SLC12A6: variants seen among roughly 807,000 people sequenced by gnomAD.
SLC12A6 encodes K-Cl cotransporter 3.
SLC12A6 carries 66 observed loss-of-function variants against 135.3 expected under a neutral mutation model. The ratio of observed to expected loss-of-function variants is 0.49; its 90% CI spans 0.40 to 0.60. The LOEUF is 0.60. Among genes scored for constraint, SLC12A6 ranks in the 20% least tolerant of loss-of-function variants. SLC12A6 has a pLI of 0.00. For synonymous variants in SLC12A6, 513 were observed against 508.8 expected (o/e 1.01, Z -0.11); for missense variants, 1,058 against 1,452.3 (o/e 0.73, Z 4.41).
At chr15:34,308,653 CAAA>C (rs1282812992) in intron 2 of SLC12A6, among the ~76,000 whole-genome samples, 12 of 87,696 alleles carry the variant, frequency 1.4e-4, no homozygotes, top group African/African-American at 4.9e-4. Flanking sequence ...AAAAAAAAAA[CAAA>C]CCAGATTGTT....
At chr15:34,315,507 G>T (rs1035047908) in intron 2 of SLC12A6, among the ~76,000 whole-genome samples, 1 of 152,072 alleles carries the variant, frequency 6.6e-6, no homozygotes, top group Non-Finnish European at 1.5e-5. Flanking sequence ...GGGGAGGATC[G>T]CTTGAGCCCA....
At chr15:34,262,970 C>G (rs1370872371) in intron 3 of SLC12A6, among the ~76,000 whole-genome samples, 2 of 152,192 alleles carry the variant, frequency 1.3e-5, no homozygotes, top group Non-Finnish European at 2.9e-5. Flanking sequence ...ATGTTGCTGG[C>G]TGGAGGTCTC....
chr15:34,247,853 C>T (rs1016095570), intron 13 of SLC12A6, among the ~76,000 whole-genome samples: 3 of 152,024 alleles, frequency 2.0e-5, no homozygotes, highest in Admixed American at 1.3e-4. Context: ...TACAGGCATA[C>T]GCCACCATGC....
intron 2 of SLC12A6, among the ~76,000 whole-genome samples, chr15:34,311,481 G>C (rs1385791953): frequency 6.6e-6 from 1 of 152,136 alleles, no homozygotes. Context: ...TTTCGATAAT[G>C]CTCACATCAA....
At chr15:34,309,921 T>C (rs1230488200) in intron 2 of SLC12A6, among the ~76,000 whole-genome samples, 2 of 152,140 alleles carry the variant, frequency 1.3e-5, no homozygotes, top group South Asian at 2.1e-4. Flanking sequence ...TCAATCACTA[T>C]AGAAAAGATT....
At position 34,296,855 on chromosome 15, in the gene SLC12A6, T is replaced by G. The variant is rs531169289; in HGVS notation, c.272-21466A>C. Among the ~76,000 whole-genome samples, 49 of 152,264 alleles carry G rather than the reference T, an allele frequency of 3.2e-4. 2 individuals carry two copies. The South Asian group carries it at 0.01, about 32-fold the overall frequency. Reference sequence around the variant, plus strand: ...TAAGAAGAGATAAAGAACATCCACATAGAAAAGTAGATATGCTTCTACTTT... The same window carrying G: ...TAAGAAGAGATAAAGAACATCCACAGAGAAAAGTAGATATGCTTCTACTTT... On this transcript the variant is annotated intron_variant, in intron 2 of 25. Coordinates refer to ENST00000354181, the MANE Select transcript of SLC12A6 (RefSeq NM_001365088.1).
At chr15:34,327,761 G>A (rs968198556) in intron 2 of SLC12A6, among the ~76,000 whole-genome samples, 11 of 152,060 alleles carry the variant, frequency 7.2e-5, no homozygotes, top group African/African-American at 2.4e-4. Context: ...AAGTGAAAAC[G>A]TGGATGTGTA....
In SLC12A6 at chr15:34,229,817, G is replaced by GTATT; in HGVS notation, c.*4060_*4063dup. On this transcript the variant is annotated 3_prime_UTR_variant, in exon 26 of 26. Transcript: ENST00000354181. Reference sequence around the variant, plus strand: ...TGAGAAAGCAGCGCCTGGTCCCTATGTATTTGGGTCTTATTTACATCCTTC... The same window carrying GTATT: ...TGAGAAAGCAGCGCCTGGTCCCTATGTATTTATTTGGGTCTTATTTACATCCTTC... 2 of 1,610,382 alleles carry GTATT rather than the reference G, an allele frequency of 1.2e-6. No individual in the cohort carries two copies. Among genetic ancestry groups the GTATT allele is most frequent in the Non-Finnish European group, 1.7e-6 (2 of 1,176,610 alleles).
Position 34,239,109 on chromosome 15 carries a change from C to G in SLC12A6, c.2488G>C (p.Val830Leu). ...AEKVKGFCQLVVAAKLREGIS... is the reference protein window; with the variant it reads ...AEKVKGFCQLLVAAKLREGIS... ...CCCTCTCTCAGCTTGGCGGCCACCA[C>G]CAGCTGGCAGAATCCTTTTACCTTC... Residue 830 changes from valine (V) to leucine (L), a missense_variant, in exon 20 of 26, where the codon GTG (valine) becomes CTG (leucine). This residue lies in a region of SLC12A6 where 245 missense variants were observed against 440.8 expected (regional missense o/e 0.56). Transcript: ENST00000354181. 6.2e-7 allele frequency: 1 copy of G among 1,614,116 alleles called. No individual in the cohort carries two copies.
intron 2 of SLC12A6, among the ~76,000 whole-genome samples, chr15:34,306,376 C>A (rs1338225864): frequency 6.6e-6 from 1 of 152,232 alleles, no homozygotes; most frequent in African/African-American, 2.4e-5. Context: ...AGACCCATGG[C>A]TCTTTCCTTT....
chr15:34,313,902 T>A (rs1249058954), intron 2 of SLC12A6, among the ~76,000 whole-genome samples: 2 of 149,348 alleles, frequency 1.3e-5, no homozygotes, highest in Non-Finnish European at 3.0e-5. Context: ...GCACAAGAGT[T>A]CAAGGCTGGC....
chr15:34,299,076 G>A (rs1896070982), intron 2 of SLC12A6, among the ~76,000 whole-genome samples: 1 of 152,136 alleles, frequency 6.6e-6, no homozygotes. Context: ...TCATGTGTGG[G>A]GTACTAATCT....
chr15:34,309,808 C>T (rs347858), intron 2 of SLC12A6, among the ~76,000 whole-genome samples: 59,866 of 151,774 alleles, frequency 0.39, 14,803 homozygotes, highest in African/African-American at 0.71. Flanking sequence ...AAGGATAAAG[C>T]TTTGATCCTG....
At chr15:34,261,165 T>C (rs1893097165) in intron 3 of SLC12A6, 145 bp from the exon 4 acceptor site, 1 of 644,488 alleles carries the variant, frequency 1.6e-6, no homozygotes, top group African/African-American at 1.8e-5. Flanking sequence ...CAGCACTGCT[T>C]GGAGAATATG....
intron 3 of SLC12A6, among the ~76,000 whole-genome samples, chr15:34,267,257 T>C (rs1162251685): frequency 6.6e-6 from 1 of 151,682 alleles, no homozygotes; most frequent in Non-Finnish European, 1.5e-5. Flanking sequence ...AAAAACTCCA[T>C]AAATAAGATA....
At chr15:34,318,817 C>A in intron 2 of SLC12A6, 1 of 1,531,832 alleles carries the variant, frequency 6.5e-7, no homozygotes, top group Non-Finnish European at 8.8e-7. Flanking sequence ...TCGGGAAGTA[C>A]TTTAAGCTCA....
At chr15:34,294,750 C>T (rs993029737) in intron 2 of SLC12A6, among the ~76,000 whole-genome samples, 6 of 151,988 alleles carry the variant, frequency 3.9e-5, no homozygotes, top group African/African-American at 1.5e-4. Context: ...TTGGTAGAGA[C>T]AAAATATATC....
intron 2 of SLC12A6, among the ~76,000 whole-genome samples, chr15:34,315,888 G>C (rs1327350958): frequency 6.6e-6 from 1 of 152,102 alleles, no homozygotes; most frequent in Non-Finnish European, 1.5e-5. Flanking sequence ...GCAGCGAGCA[G>C]AGATCACGCC....
At chr15:34,269,106 C>A (rs1893730668) in intron 3 of SLC12A6, among the ~76,000 whole-genome samples, 1 of 151,398 alleles carries the variant, frequency 6.6e-6, no homozygotes, top group African/African-American at 2.5e-5. Flanking sequence ...GATCCACCCA[C>A]CTCAGCCTCC....
Sources: allele counts gnomAD v4.1 joint callset (sites outside exome capture counted in the v4.1 genomes callset), GRCh38; gene constraint gnomAD v4.1.1; regional missense constraint gnomAD v4.1.1; transcripts MANE v1.5; gene names NCBI Gene and HGNC (gene_info 2026-07-23, HGNC 2026-07-21).